STXBP5L: variants seen among roughly 807,000 people sequenced by gnomAD.
STXBP5L encodes syntaxin-binding protein 5-like.
Under a neutral mutation model 144.5 loss-of-function variants are expected in STXBP5L, and 65 were observed. That is an observed-to-expected ratio of 0.45 (90% confidence interval 0.37 to 0.55). The LOEUF is 0.55. Ranked by LOEUF, STXBP5L falls within the 20% of genes least tolerant of loss-of-function variation. The probability of loss-of-function intolerance (pLI) is 0.00; values close to 1 mark genes in which losing one functional copy is unlikely to be tolerated. For missense variants in STXBP5L, 1,298 were observed against 1,405.5 expected (o/e 0.92, Z 1.22); for synonymous variants, 505 against 469.6 (o/e 1.08, Z -0.97).
intron 20 of STXBP5L, among the ~76,000 whole-genome samples, chr3:121,336,860 T>C (rs911931000): frequency 6.6e-6 from 1 of 152,056 alleles, no homozygotes; most frequent in Non-Finnish European, 1.5e-5. Context: ...TAAATGCCCA[T>C]CAATGGCAGA....
chr3:121,088,437 A>G (rs1169295196), intron 5 of STXBP5L, among the ~76,000 whole-genome samples: 21 of 111,698 alleles, frequency 1.9e-4, no homozygotes, highest in African/African-American at 7.4e-4. Flanking sequence ...AAAAATCAGG[A>G]AACAACAGGT....
chr3:121,381,550 T>C lies in STXBP5L; in HGVS notation c.2587+18T>C, dbSNP rs920015492. 1 of 1,581,250 alleles carries C rather than the reference T, an allele frequency of 6.3e-7. No individual in the cohort carries two copies. ...GCCAAGTGGTAAGAGTTTGTATTCA[T>C]TCATTCCTTCACTGTTACTTTTTCA... On this transcript the variant is annotated intron_variant, in intron 22 of 26. Transcript: ENST00000471454.
intron 23 of STXBP5L, among the ~76,000 whole-genome samples, chr3:121,409,444 G>A (rs1449219050): frequency 1.3e-5 from 2 of 151,886 alleles, no homozygotes; most frequent in Non-Finnish European, 2.9e-5. Flanking sequence ...GGATATTAAT[G>A]ATCTTTGAGA....
At chr3:121,208,604 T>C (rs1445121822) in intron 10 of STXBP5L, among the ~76,000 whole-genome samples, 1 of 152,164 alleles carries the variant, frequency 6.6e-6, no homozygotes, top group Non-Finnish European at 1.5e-5. Context: ...ATATTTTGCC[T>C]CTTGAAATAT....
At chr3:120,983,503 C>T (rs1303303074) in intron 3 of STXBP5L, among the ~76,000 whole-genome samples, 1 of 152,044 alleles carries the variant, frequency 6.6e-6, no homozygotes, top group Non-Finnish European at 1.5e-5. Context: ...ACACACAGGC[C>T]TCTGGGGGTT....
chr3:121,279,670 T>C, intron 18 of STXBP5L, 135 bp from the exon 19 acceptor site: 2 of 959,392 alleles, frequency 2.1e-6, no homozygotes, highest in Non-Finnish European at 3.1e-6. Flanking sequence ...GGCATCCTTC[T>C]TGACTTTACA....
chr3:121,003,006 C>G (rs902879924), intron 3 of STXBP5L, among the ~76,000 whole-genome samples: 7 of 152,128 alleles, frequency 4.6e-5, no homozygotes, highest in Non-Finnish European at 8.8e-5. Context: ...AATAGTGCCT[C>G]AATAAACATA....
At chr3:120,975,860 A>G (rs1017360378) in intron 3 of STXBP5L, among the ~76,000 whole-genome samples, 2 of 152,082 alleles carry the variant, frequency 1.3e-5, no homozygotes, top group Admixed American at 1.3e-4. Context: ...TGATTTGTGT[A>G]TATTGAACCA....
At position 121,378,703 on chromosome 3, in the gene STXBP5L, C is replaced by T. The variant is rs1576321129; in HGVS notation, c.2177-13C>T. 1 of 1,611,326 alleles carries T rather than the reference C, an allele frequency of 6.2e-7. No homozygotes were observed. Among genetic ancestry groups the T allele is most frequent in the Non-Finnish European group, 8.5e-7 (1 of 1,178,532 alleles). ...ATCATTATATGTATGCTGCCTTCCT[C>T]CTCTTGGCACAGACCATGTAAATGG... On this transcript the variant is annotated splice_polypyrimidine_tract_variant and intron_variant, in intron 20 of 26. Coordinates refer to ENST00000471454, the MANE Select transcript of STXBP5L (RefSeq NM_001308330.2).
intron 3 of STXBP5L, among the ~76,000 whole-genome samples, chr3:120,976,614 C>G (rs1488137705): frequency 1.3e-5 from 2 of 151,910 alleles, no homozygotes; most frequent in Non-Finnish European, 2.9e-5. Context: ...TCTTGCTTTT[C>G]TAGTTCTTTT....
intron 3 of STXBP5L, among the ~76,000 whole-genome samples, chr3:121,031,422 T>A (rs1343374615): frequency 1.4e-5 from 2 of 138,590 alleles, no homozygotes; most frequent in Non-Finnish European, 3.2e-5. Context: ...CAATCAACTA[T>A]CTAGATTGTT....
At chr3:121,313,939 C>T (rs1308354415) in intron 19 of STXBP5L, among the ~76,000 whole-genome samples, 8 of 149,256 alleles carry the variant, frequency 5.4e-5, no homozygotes, top group Middle Eastern at 3.2e-3. Flanking sequence ...CCAGCAGAAG[C>T]GCTCCTCACA....
At chr3:121,344,383 G>C (rs990987125) in intron 20 of STXBP5L, among the ~76,000 whole-genome samples, 2 of 151,984 alleles carry the variant, frequency 1.3e-5, no homozygotes, top group Non-Finnish European at 2.9e-5. Flanking sequence ...GGCAACAAAA[G>C]CCAAAATTGA....
intron 23 of STXBP5L, 30 bp from the exon 24 acceptor site, chr3:121,413,128 T>C (rs748054254): frequency 6.6e-7 from 1 of 1,515,834 alleles, no homozygotes; most frequent in Non-Finnish European, 8.8e-7. Context: ...AACCTGCATA[T>C]GATATATGGA....
chr3:120,919,082 G>C (rs1709242548), intron 2 of STXBP5L, among the ~76,000 whole-genome samples: 1 of 152,108 alleles, frequency 6.6e-6, no homozygotes, highest in Non-Finnish European at 1.5e-5. Context: ...TGCTGAGAAT[G>C]TTAGAAAAGA....
At chr3:121,375,297 C>T (rs2108671177) in intron 20 of STXBP5L, among the ~76,000 whole-genome samples, 1 of 152,216 alleles carries the variant, frequency 6.6e-6, no homozygotes, top group Middle Eastern at 3.4e-3. Flanking sequence ...ATGTCCTCTC[C>T]AAGGCACATT....
intron 9 of STXBP5L, among the ~76,000 whole-genome samples, chr3:121,172,883 A>G (rs1275107329): frequency 1.3e-5 from 2 of 152,224 alleles, no homozygotes; most frequent in South Asian, 4.1e-4. Context: ...ATGCACATGT[A>G]TGTTTATTAT....
At chr3:120,976,570 T>A (rs1242974247) in intron 3 of STXBP5L, among the ~76,000 whole-genome samples, 1 of 152,150 alleles carries the variant, frequency 6.6e-6, no homozygotes, top group African/African-American at 2.4e-5. Context: ...TTTTAGTTAT[T>A]TCTTGCCTTC....
intron 3 of STXBP5L, among the ~76,000 whole-genome samples, chr3:120,978,677 T>G (rs1006178130): frequency 1.3e-5 from 2 of 152,190 alleles, no homozygotes; most frequent in Non-Finnish European, 2.9e-5. Context: ...TTTGTGGTTT[T>G]ATCTACTTTT....
Sources: gnomAD v4.1 joint callset for allele counts (sites outside exome capture counted in the v4.1 genomes callset) on GRCh38, gnomAD v4.1.1 for gene constraint, MANE v1.5 for transcripts, NCBI Gene and HGNC (gene_info 2026-07-23, HGNC 2026-07-21) for gene names.